Variants in PHF20L1 observed in about 807,000 individuals in gnomAD.
PHF20L1 encodes PHD finger protein 20-like protein 1.
Under a neutral mutation model 125.5 loss-of-function variants are expected in PHF20L1, and 44 were observed. That is an observed-to-expected ratio of 0.35 (90% CI 0.28 to 0.45). PHF20L1 has a LOEUF of 0.45. Among genes scored for constraint, PHF20L1 ranks in the 20% least tolerant of loss-of-function variants. PHF20L1 has a pLI of 1.00. For synonymous variants in PHF20L1, 380 were observed against 403.1 expected (o/e 0.94, Z 0.69); for missense variants, 1,012 against 1,217.2 (o/e 0.83, Z 2.51).
chr8:132,808,501 A>G (rs1833989568), intron 8 of PHF20L1: 1 of 152,046 alleles, frequency 6.6e-6, no homozygotes, highest in Non-Finnish European at 1.5e-5. Context: ...TAATTATATA[A>G]TATATTGAAT....
intron 2 of PHF20L1, among the ~76,000 whole-genome samples, chr8:132,784,718 A>G (rs1022112823): frequency 2.0e-5 from 3 of 152,224 alleles, no homozygotes; most frequent in Non-Finnish European, 2.9e-5. Flanking sequence ...GGCTCCCAAT[A>G]TAGTGATCTC....
chr8:132,843,046 T>C, intron 19 of PHF20L1, 171 bp downstream of exon 19: 1 of 1,340,466 alleles, frequency 7.5e-7, no homozygotes, highest in South Asian at 2.2e-5. Context: ...ACACTGGCCA[T>C]TTGAACATTT....
intron 13 of PHF20L1, 200 bp from the exon 14 acceptor site, chr8:132,825,064 C>T: frequency 6.7e-7 from 1 of 1,482,518 alleles, no homozygotes; most frequent in African/African-American, 1.4e-5. Context: ...CTCAGCACTG[C>T]TAATGAAGAT....
In PHF20L1 at chr8:132,846,123, T is replaced by C; in HGVS notation, c.*200T>C. The C allele has an allele frequency of 2.0e-6, 1 of 492,494 alleles. No individual in the cohort carries two copies. The highest frequency in any genetic ancestry group is 5.4e-4 in the Middle Eastern group (1 of 1,864). The allele number at this position is 492,494 out of a possible 1,614,324, so 30.5% of individuals were successfully genotyped here. On this transcript the variant is annotated 3_prime_UTR_variant, in exon 21 of 21. Transcript: ENST00000395386. ...AAGCTAGTATTTAAAAACAAATTCA[T>C]GAGCAAGCTGCAAATGAGAATGTGT...
chr8:132,819,106 A>G (rs1215764031), intron 12 of PHF20L1: 1 of 151,918 alleles, frequency 6.6e-6, no homozygotes, highest in African/African-American at 2.4e-5. Flanking sequence ...AATTTCTAGC[A>G]TATTTGTGGC....
chr8:132,831,592 G>A (rs1028394592), intron 14 of PHF20L1, among the ~76,000 whole-genome samples: 1 of 151,858 alleles, frequency 6.6e-6, no homozygotes, highest in Admixed American at 6.6e-5. Context: ...ACCTCTTTAC[G>A]AATTGTGGGG....
At chr8:132,807,192 A>T (rs1260593552) in intron 8 of PHF20L1, 1 of 155,068 alleles carries the variant, frequency 6.4e-6, no homozygotes, top group Non-Finnish European at 1.4e-5. Context: ...CATATTGCAT[A>T]TACTGTGCAA....
rs763372978 is a variant in PHF20L1, at chr8:132,817,439, C to G, written c.1473C>G (p.Ser491=). The change falls in exon 12 of 21, where the codon TCC becomes TCG. Residue 491 remains serine (S), a synonymous_variant. Transcript: ENST00000395386. The part of the protein sequence containing the change: ...SEVTAPVASD[S]SYRNECPRAE... ...TTACAGCACCGGTAGCCTCAGATTC[C>G]TCTTACCGTAATGAATGTCCCAGGG... 1.2e-6 allele frequency: 2 copies of G among 1,612,678 alleles called. No homozygotes were observed. Among genetic ancestry groups the G allele is most frequent in the Non-Finnish European group, 1.7e-6 (2 of 1,179,188 alleles).
chr8:132,837,012 A>G (rs1837431619), intron 16 of PHF20L1, among the ~76,000 whole-genome samples: 1 of 152,140 alleles, frequency 6.6e-6, no homozygotes, highest in Non-Finnish European at 1.5e-5. Flanking sequence ...AGGGCAGGCT[A>G]CAGCAACCTT....
intron 9 of PHF20L1, among the ~76,000 whole-genome samples, chr8:132,813,857 G>C (rs553297990): frequency 6.6e-6 from 1 of 151,954 alleles, no homozygotes; most frequent in African/African-American, 2.4e-5. Flanking sequence ...TGAAAGAACT[G>C]ACAAAGTTCT....
At chr8:132,815,967 C>T (rs989962402) in intron 10 of PHF20L1, 1 of 151,632 alleles carries the variant, frequency 6.6e-6, no homozygotes, top group Non-Finnish European at 1.5e-5. Context: ...AATATTATAG[C>T]AATTAAATTT....
In PHF20L1 at chr8:132,824,073, A is replaced by G; in HGVS notation, c.1636+13A>G. The G allele has an allele frequency of 6.5e-7, 1 of 1,550,106 alleles. No individual in the cohort carries two copies. Among genetic ancestry groups the G allele is most frequent in the Non-Finnish European group, 8.9e-7 (1 of 1,127,084 alleles). ...TCAACAGCATTTGGTATGAACAGAA[A>G]GTAATCTTTAAGCAAAAGACTATAA... On this transcript the variant is annotated intron_variant, in intron 13 of 20. Transcript: ENST00000395386.
intron 2 of PHF20L1, among the ~76,000 whole-genome samples, chr8:132,780,844 CTTTTT>C (rs199806400): frequency 7.7e-6 from 1 of 129,658 alleles, no homozygotes; most frequent in African/African-American, 2.8e-5. Context: ...GTTTTTCTTG[CTTTTT>C]TTTTTTTTTT....
chr8:132,821,020 CTTAG>C (rs1229576437), intron 12 of PHF20L1, among the ~76,000 whole-genome samples: 1 of 151,456 alleles, frequency 6.6e-6, no homozygotes, highest in Non-Finnish European at 1.5e-5. Flanking sequence ...TGCAGCATGT[CTTAG>C]TTAGCATGGA....
In PHF20L1 at chr8:132,790,907, A is replaced by G. The variant is rs1195478127; in HGVS notation, c.84-3503A>G. On this transcript the variant is annotated intron_variant, in intron 2 of 20. Coordinates refer to ENST00000395386, the MANE Select transcript of PHF20L1 (RefSeq NM_016018.5). Reference sequence around the variant, plus strand: ...AAAGCATCTTATATACAGTTTTTGTATACACTTACCAGTTTTACTATGTAT... The same window carrying G: ...AAAGCATCTTATATACAGTTTTTGTGTACACTTACCAGTTTTACTATGTAT... Among the ~76,000 whole-genome samples, 3 of 152,216 alleles carry G rather than the reference A, an allele frequency of 2.0e-5. No homozygotes were observed. The East Asian group carries it at 5.8e-4, about 29-fold the overall frequency.
At chr8:132,817,158 A>G in intron 11 of PHF20L1, 82 bp downstream of exon 11, 1 of 964,400 alleles carries the variant, frequency 1.0e-6, no homozygotes, top group Non-Finnish European at 1.5e-6. Flanking sequence ...TTAAAATATT[A>G]AGATATTTCT....
At position 132,846,378 on chromosome 8, in the gene PHF20L1, A is replaced by T. The variant is rs2131975961; in HGVS notation, c.*455A>T. ...AGAATTCTACAGGGTTGCTCTAAGA[A>T]CTGTCTTCTCAGCAGTTGATCCAGC... On this transcript the variant is annotated 3_prime_UTR_variant, in exon 21 of 21. Coordinates refer to ENST00000395386, the MANE Select transcript of PHF20L1 (RefSeq NM_016018.5). 6.5e-6 allele frequency: 1 copy of T among 153,044 alleles called. No homozygotes were observed. The allele number at this position is 153,044 out of a possible 1,614,324, so 9.5% of individuals were successfully genotyped here.
At chr8:132,802,156 TTC>T (rs1833139166) in intron 6 of PHF20L1, among the ~76,000 whole-genome samples, 1 of 151,008 alleles carries the variant, frequency 6.6e-6, no homozygotes, top group Admixed American at 6.6e-5. Flanking sequence ...TTTTTTTTTT[TTC>T]ATTGATGGTG....
At chr8:132,836,756 A>G (rs1199374904) in intron 16 of PHF20L1, 35 bp downstream of exon 16, 3 of 1,494,386 alleles carry the variant, frequency 2.0e-6, no homozygotes, top group Admixed American at 1.7e-5. Flanking sequence ...ATAATGAGTT[A>G]GTTGTTTCAG....
Sources: allele counts gnomAD v4.1 joint callset (sites outside exome capture counted in the v4.1 genomes callset), GRCh38; gene constraint gnomAD v4.1.1; transcripts MANE v1.5; gene names NCBI Gene and HGNC (gene_info 2026-07-23, HGNC 2026-07-21).